HHLA2: variants seen among roughly 807,000 people sequenced by gnomAD.
The protein encoded by HHLA2 is HHLA2 member of B7 family.
Under a neutral mutation model 45.9 loss-of-function variants are expected in HHLA2, and 48 were observed. The observed-to-expected ratio is 1.05, with a 90% CI of 0.83 to 1.33. HHLA2 has a LOEUF of 1.33. HHLA2 is among the 40% of genes most tolerant of loss of function. HHLA2 has a pLI of 0.00. For synonymous variants in HHLA2, 161 were observed against 173.9 expected, an observed-to-expected ratio of 0.93 and a Z score of 0.59; for missense variants, 462 against 494.3, an observed-to-expected ratio of 0.93 and a Z score of 0.62.
In HHLA2 at chr3:108,355,391, A is replaced by G. The variant is rs1244733284; in HGVS notation, c.685+10A>G. ...CGCTGGACGATGAAAGGTAGGCTCC[A>G]CAGGACTTTCTGTGTACACGTGCTG... On this transcript the variant is annotated intron_variant, in intron 6 of 10. Coordinates refer to ENST00000619531, the Ensembl canonical transcript of HHLA2. The G allele has an allele frequency of 6.2e-7, 1 of 1,610,548 alleles. No individual in the cohort carries two copies. Among genetic ancestry groups the G allele is most frequent in the Admixed American group, 1.7e-5 (1 of 59,750 alleles).
At chr3:108,322,080 G>T (rs567216857) in intron 2 of HHLA2, among the ~76,000 whole-genome samples, 33 of 152,208 alleles carry the variant, frequency 2.2e-4, no homozygotes, top group African/African-American at 7.2e-4. Flanking sequence ...AGGGAGGTTG[G>T]TTTCATTTAT....
intron 2 of HHLA2, among the ~76,000 whole-genome samples, chr3:108,324,104 G>T (rs1486416690): frequency 1.3e-5 from 2 of 152,100 alleles, no homozygotes; most frequent in Admixed American, 6.6e-5. Context: ...TTCACAGGTT[G>T]GTGAATCTAT....
At chr3:108,354,709 G>A (rs2081851990) in intron 5 of HHLA2, among the ~76,000 whole-genome samples, 1 of 152,052 alleles carries the variant, frequency 6.6e-6, no homozygotes, top group African/African-American at 2.4e-5. Context: ...CCTTGATTCA[G>A]AAATCACAAA....
chr3:108,375,694 G>A (rs1043180489), intron 8 of HHLA2, 56 bp from the exon 8 acceptor site: 11 of 1,580,822 alleles, frequency 7.0e-6, no homozygotes, highest in Admixed American at 1.8e-5. Flanking sequence ...ACCTTACAGG[G>A]AAACAGCTGG....
intron 1 of HHLA2, among the ~76,000 whole-genome samples, chr3:108,299,512 C>T (rs2080816687): frequency 6.6e-6 from 1 of 151,866 alleles, no homozygotes; most frequent in Non-Finnish European, 1.5e-5. Context: ...AGAATTCCGT[C>T]AGAGTAGTAT....
At chr3:108,331,182 A>T (rs1046932220) in intron 3 of HHLA2, among the ~76,000 whole-genome samples, 1 of 152,232 alleles carries the variant, frequency 6.6e-6, no homozygotes, top group Non-Finnish European at 1.5e-5. Context: ...CCAGTGATGG[A>T]ACTCTCTGGA....
At chr3:108,372,812 G>T (rs998887796) in intron 8 of HHLA2, among the ~76,000 whole-genome samples, 6 of 152,170 alleles carry the variant, frequency 3.9e-5, no homozygotes, top group African/African-American at 1.4e-4. Context: ...CCAATAACAG[G>T]CTCTGAAATT....
intron 2 of HHLA2, among the ~76,000 whole-genome samples, chr3:108,317,512 T>C (rs1223005026): frequency 2.6e-5 from 4 of 152,118 alleles, no homozygotes; most frequent in East Asian, 1.9e-4. Flanking sequence ...AGTTTACTAA[T>C]AGAATCCTGA....
intron 10 of HHLA2, 100 bp downstream of exon 9, chr3:108,376,657 C>CTTT: frequency 9.8e-7 from 1 of 1,022,658 alleles, no homozygotes. Context: ...TCAAGCAAGA[C>CTTT]TTTTATACAG....
At chr3:108,359,874 T>C (rs1346567487) in intron 7 of HHLA2, among the ~76,000 whole-genome samples, 2 of 152,152 alleles carry the variant, frequency 1.3e-5, no homozygotes, top group Non-Finnish European at 2.9e-5. Flanking sequence ...ATATATGCAT[T>C]CCCACATGGT....
At chr3:108,315,054 A>G (rs2081080102) in intron 2 of HHLA2, among the ~76,000 whole-genome samples, 1 of 152,118 alleles carries the variant, frequency 6.6e-6, no homozygotes, top group Non-Finnish European at 1.5e-5. Flanking sequence ...AAACACCCTT[A>G]TTTTCCCAGA....
exon 11 of HHLA2, chr3:108,377,827 C>G (rs2082300698): frequency 6.6e-6 from 1 of 152,456 alleles, no homozygotes; most frequent in Non-Finnish European, 1.5e-5. Context: ...AAGACTAAGA[C>G]AGTATCTTTA....
chr3:108,330,818 C>A (rs1229249279), intron 3 of HHLA2, among the ~76,000 whole-genome samples: 1 of 152,130 alleles, frequency 6.6e-6, no homozygotes, highest in Non-Finnish European at 1.5e-5. Context: ...GCCTAACCCA[C>A]AGAGATAGTA....
intron 3 of HHLA2, among the ~76,000 whole-genome samples, chr3:108,342,511 C>T (rs9881469): frequency 0.62 from 94,081 of 151,800 alleles, 29,767 homozygotes; most frequent in Non-Finnish European, 0.68. Flanking sequence ...ATGATCCACC[C>T]ACCTCTGCCT....
chr3:108,332,279 ATATTTTAGTG>A (rs564421707), intron 3 of HHLA2, among the ~76,000 whole-genome samples: 42 of 152,324 alleles, frequency 2.8e-4, no homozygotes, highest in Non-Finnish European at 6.0e-4. Flanking sequence ...GTGAGTTCCA[ATATTTTAGTG>A]TATTTTATGT....
chr3:108,365,371 C>T (rs62266249), intron 8 of HHLA2, among the ~76,000 whole-genome samples: 6,091 of 152,210 alleles, frequency 0.04, 180 homozygotes, highest in Non-Finnish European at 0.053. Context: ...TGTTTTGGTA[C>T]CAGTACTATG....
At chr3:108,340,901 T>C (rs2081555857) in intron 3 of HHLA2, among the ~76,000 whole-genome samples, 1 of 15,544 alleles carries the variant, frequency 6.4e-5, no homozygotes, top group African/African-American at 1.5e-4. Flanking sequence ...TTTTCTTTTT[T>C]TTTTTTTTTC....
chr3:108,353,573 G>A, exon 5 of HHLA2: 2 of 1,613,676 alleles, frequency 1.2e-6, no homozygotes, highest in Non-Finnish European at 1.7e-6. Context: ...TAGCTATAAG[G>A]TTCACAGTTA....
At chr3:108,301,346 C>T (rs1038658795) in intron 1 of HHLA2, among the ~76,000 whole-genome samples, 6 of 152,104 alleles carry the variant, frequency 3.9e-5, no homozygotes, top group South Asian at 2.1e-4. Context: ...ATTCCAGAGA[C>T]GTGACTGCAG....
Sources: allele counts gnomAD v4.1 joint callset (sites outside exome capture counted in the v4.1 genomes callset), GRCh38; gene constraint gnomAD v4.1.1; transcripts MANE v1.5; gene names NCBI Gene and HGNC (gene_info 2026-07-23, HGNC 2026-07-21).